CDK5RAP2: variants seen among roughly 807,000 people sequenced by gnomAD.
The protein encoded by CDK5RAP2 is CDK5 regulatory subunit associated protein 2.
In CDK5RAP2, 147 loss-of-function variants were observed where a neutral mutation model predicts 232.9. The observed-to-expected ratio is 0.63, with a 90% CI of 0.55 to 0.72. The LOEUF (loss-of-function observed/expected upper bound fraction) is 0.72. Among genes scored for constraint, CDK5RAP2 ranks in the 30% least tolerant of loss-of-function variants. The pLI is 0.00. For missense variants in CDK5RAP2, 2,195 were observed against 2,231.5 expected (o/e 0.98, Z 0.33); for synonymous variants, 833 against 833.7 (o/e 1.00, Z 0.01).
intron 6 of CDK5RAP2, among the ~76,000 whole-genome samples, chr9:120,537,938 T>G (rs1457507643): frequency 1.3e-5 from 2 of 152,154 alleles, no homozygotes; most frequent in East Asian, 3.8e-4. Context: ...TTATCCTAGG[T>G]GATAAAGCTA....
At chr9:120,557,514 G>A (rs1240677365) in intron 3 of CDK5RAP2, among the ~76,000 whole-genome samples, 6 of 152,122 alleles carry the variant, frequency 3.9e-5, no homozygotes, top group African/African-American at 1.4e-4. Flanking sequence ...CCAACACTTT[G>A]GTAGGCAGAG....
intron 16 of CDK5RAP2, among the ~76,000 whole-genome samples, chr9:120,471,081 T>C (rs952500773): frequency 1.3e-5 from 2 of 152,222 alleles, no homozygotes; most frequent in African/African-American, 4.8e-5. Context: ...TGCCTAGCAC[T>C]GTGCCTTGTA....
chr9:120,563,973 A>T (rs940807157), intron 3 of CDK5RAP2, among the ~76,000 whole-genome samples: 22 of 152,190 alleles, frequency 1.4e-4, no homozygotes, highest in African/African-American at 5.1e-4. Context: ...AAGAACAACA[A>T]AAGATAAGGA....
intron 12 of CDK5RAP2, among the ~76,000 whole-genome samples, chr9:120,502,595 CAG>C (rs1487638922): frequency 6.6e-6 from 1 of 152,234 alleles, no homozygotes; most frequent in Non-Finnish European, 1.5e-5. Context: ...AATCCCCTAA[CAG>C]AGTTGACAAC....
intron 1 of CDK5RAP2, 68 bp from the exon 2 acceptor site, chr9:120,572,109 G>GAGGCCGGGCGCGGTGGCTCAC: frequency 1.7e-6 from 2 of 1,189,490 alleles, no homozygotes; most frequent in Non-Finnish European, 2.5e-6. Context: ...AAGACGGTCT[G>GAGGCCGGGCGCGGTGGCTCAC]GACTGCACAT....
Position 120,568,204 on chromosome 9 carries a change from C to T in CDK5RAP2, c.195+117G>A, listed in dbSNP as rs187123086. On this transcript the variant is annotated intron_variant, in intron 3 of 37. Transcript: ENST00000349780. Reference sequence around the variant, plus strand: ...GAAGATGTCCATGAGACATGGCACCCCCCTGCCTCTGGCATCACCGAACTT... The same window carrying T: ...GAAGATGTCCATGAGACATGGCACCTCCCTGCCTCTGGCATCACCGAACTT... 814 of 817,116 alleles carry T rather than the reference C, an allele frequency of 1.0e-3. 7 individuals are homozygous for T. The African/African-American group carries it at 0.012, about 12-fold the overall frequency. 50.6% of individuals were successfully genotyped at this position (817,116 alleles called of 1,614,324 possible).
chr9:120,430,068 C>G (rs968626353), intron 25 of CDK5RAP2, among the ~76,000 whole-genome samples: 2 of 152,162 alleles, frequency 1.3e-5, no homozygotes, highest in Admixed American at 1.3e-4. Context: ...ATGTAGAAAG[C>G]TGAAACTGGA....
In CDK5RAP2 at chr9:120,453,954, C is replaced by T. The variant is rs1387729531; in HGVS notation, c.2376-81G>A. 3 of 1,393,440 alleles carry T rather than the reference C, an allele frequency of 2.2e-6. No individual in the cohort carries two copies. In the South Asian group the frequency reaches 3.5e-5, roughly 16 times the overall value. The allele number at this position is 1,393,440 out of a possible 1,614,324, so 86.3% of individuals were successfully genotyped here. A position where few individuals can be genotyped will look rare whatever the true frequency, so the allele number is the denominator to read the frequency against. ...CCCCTAGCCAGTATCCCAAGTTATC[C>T]CCACCTACTGTTGCCCAGATTCCAT... On this transcript the variant is annotated intron_variant, in intron 20 of 37. Coordinates refer to ENST00000349780, the MANE Select transcript of CDK5RAP2 (RefSeq NM_018249.6).
chr9:120,407,775 T>C, intron 31 of CDK5RAP2: 1 of 172,526 alleles, frequency 5.8e-6, no homozygotes, highest in Non-Finnish European at 1.2e-5. Context: ...GACGTTATAG[T>C]TGAAGCACTC....
intron 12 of CDK5RAP2, among the ~76,000 whole-genome samples, chr9:120,513,971 G>A (rs2040210093): frequency 6.6e-6 from 1 of 152,152 alleles, no homozygotes; most frequent in African/African-American, 2.4e-5. Flanking sequence ...GCACCATAAT[G>A]CAAAGACACC....
rs2131350084 is a variant in CDK5RAP2 at position 120,443,477 on chromosome 9, C to T, written c.3148+143G>A. 4 of 1,012,902 alleles carry T rather than the reference C, an allele frequency of 3.9e-6. 1 individual carries two copies. Among genetic ancestry groups the T allele is most frequent in the East Asian group, 4.8e-5 (2 of 41,292 alleles). 62.7% of individuals were successfully genotyped at this position (1,012,902 alleles called of 1,614,324 possible). ...CCCTGGGTCAATTATTTCTTAAAAC[C>T]TCAGCTTCCCATGTGTTAGACTGGA... On this transcript the variant is annotated intron_variant, in intron 23 of 37. Transcript: ENST00000349780.
chr9:120,545,489 C>G (rs1214482877), intron 5 of CDK5RAP2, among the ~76,000 whole-genome samples: 3 of 152,184 alleles, frequency 2.0e-5, no homozygotes, highest in African/African-American at 7.2e-5. Context: ...GGTGTGTTTG[C>G]TTGTGAACAT....
intron 6 of CDK5RAP2, among the ~76,000 whole-genome samples, 174 bp downstream of exon 6, chr9:120,538,867 T>C (rs184906110): frequency 2.6e-4 from 40 of 152,310 alleles, no homozygotes; most frequent in Admixed American, 2.6e-3. Flanking sequence ...GTAAAGGGGT[T>C]ATAAATTATA....
intron 28 of CDK5RAP2, among the ~76,000 whole-genome samples, chr9:120,411,684 G>A (rs915518100): frequency 2.0e-5 from 3 of 152,162 alleles, no homozygotes; most frequent in Admixed American, 6.5e-5. Flanking sequence ...TCTTACCTAA[G>A]GGAGAACAAA....
At chr9:120,505,437 T>C (rs1445989539) in intron 12 of CDK5RAP2, among the ~76,000 whole-genome samples, 4 of 152,132 alleles carry the variant, frequency 2.6e-5, no homozygotes, top group Non-Finnish European at 5.9e-5. Context: ...TACAACAAAA[T>C]TGAAATTAGG....
intron 23 of CDK5RAP2, among the ~76,000 whole-genome samples, chr9:120,442,703 A>G (rs7042264): frequency 0.027 from 4,099 of 152,324 alleles, 185 homozygotes; most frequent in African/African-American, 0.093. Flanking sequence ...ACAACTTTCC[A>G]CAATTCAGCT....
chr9:120,524,847 T>C (rs2040828882), intron 11 of CDK5RAP2, 139 bp downstream of exon 11: 1 of 663,372 alleles, frequency 1.5e-6, no homozygotes, highest in Non-Finnish European at 2.7e-6. Context: ...TCCCTTTAAT[T>C]AGACTAGCAA....
In CDK5RAP2 at chr9:120,409,147, G is replaced by GCAGC. The variant is rs760262781; in HGVS notation, c.4580_4583dup (p.Cys1528TrpfsTer25). On this transcript the variant is annotated frameshift_variant, in exon 30 of 38. Coordinates refer to ENST00000349780, the MANE Select transcript of CDK5RAP2 (RefSeq NM_018249.6). LOFTEE classifies it high-confidence loss of function. ...ACTACCTGCTCAGCTCCTGGCCGCT[G>GCAGC]CAGCGGACCTCCTGGATCAGCTGCT... 1 of 1,612,258 alleles carries GCAGC rather than the reference G, an allele frequency of 6.2e-7. No homozygotes were observed. The highest frequency in any genetic ancestry group is 1.1e-5 in the South Asian group (1 of 91,012).
chr9:120,500,368 A>G (rs574641628), intron 12 of CDK5RAP2, among the ~76,000 whole-genome samples: 1 of 152,318 alleles, frequency 6.6e-6, no homozygotes, highest in African/African-American at 2.4e-5. Flanking sequence ...GCATGTTTTC[A>G]GAATTCTTTC....
Sources: gnomAD v4.1 joint callset for allele counts (sites outside exome capture counted in the v4.1 genomes callset) on GRCh38, gnomAD v4.1.1 for gene constraint, MANE v1.5 for transcripts, NCBI Gene and HGNC (gene_info 2026-07-23, HGNC 2026-07-21) for gene names.